SNX8: variants seen among roughly 807,000 people sequenced by gnomAD.
The protein encoded by SNX8 is sorting nexin-8.
In SNX8, 25 loss-of-function variants were observed where a neutral mutation model predicts 51.6. The ratio of observed to expected loss-of-function variants is 0.48; its 90% CI spans 0.35 to 0.68. The LOEUF is 0.68. Ranked by LOEUF, SNX8 falls within the 30% of genes least tolerant of loss-of-function variation. The pLI is 0.00. For missense variants in SNX8, 695 were observed against 624.0 expected, an observed-to-expected ratio of 1.11 and a Z score of -1.21; for synonymous variants, 324 against 277.0, an observed-to-expected ratio of 1.17 and a Z score of -1.68.
intron 1 of SNX8, among the ~76,000 whole-genome samples, chr7:2,331,688 G>A (rs1778738866): frequency 6.7e-6 from 1 of 148,676 alleles, no homozygotes; most frequent in East Asian, 2.0e-4. Flanking sequence ...CTGGGCAACA[G>A]AGTGACACTC....
chr7:2,336,191 A>G (rs964230587), intron 1 of SNX8, among the ~76,000 whole-genome samples: 5 of 149,170 alleles, frequency 3.4e-5, no homozygotes. Context: ...CACCTGAGGT[A>G]GGGAATTCGA....
intron 1 of SNX8, among the ~76,000 whole-genome samples, chr7:2,327,702 C>T (rs567684700): frequency 2.0e-5 from 3 of 150,670 alleles, no homozygotes; most frequent in East Asian, 2.0e-4. Flanking sequence ...CCATCGCACC[C>T]GGCCTAATTT....
intron 1 of SNX8, among the ~76,000 whole-genome samples, chr7:2,303,350 C>A (rs1437366373): frequency 6.6e-6 from 1 of 151,540 alleles, no homozygotes. Context: ...AGCCCCCCGC[C>A]CAGCCAGCCG....
At position 2,328,274 on chromosome 7, in the gene SNX8, C is replaced by G. The variant is rs546047053; in HGVS notation, c.-66+25948G>C. 2.6e-5 allele frequency among the ~76,000 whole-genome samples: 4 copies of G among 152,062 alleles called. No homozygotes were observed. The South Asian group carries it at 6.2e-4, about 24-fold the overall frequency. ...CTCCACGCTGGCCAGGCAGGCTAGT[C>G]TCAAACTCCTGACTTCAAGTGATCC... On this transcript the variant is annotated intron_variant, in intron 1 of 5. Transcript: ENST00000435336.
intron 3 of SNX8, among the ~76,000 whole-genome samples, chr7:2,273,511 G>A (rs567879398): frequency 6.0e-5 from 9 of 151,098 alleles, no homozygotes; most frequent in Non-Finnish European, 7.4e-5. Flanking sequence ...GCGTGAACCC[G>A]GCAGGCGGAG....
At position 2,308,175 on chromosome 7, in the gene SNX8, A is replaced by G. The variant is rs894260159; in HGVS notation, c.94+6153T>C. On this transcript the variant is annotated intron_variant, in intron 1 of 10. Transcript: ENST00000222990. Reference sequence around the variant, plus strand: ...AAGAAATATAATACAAAAATTTATAAAAATGTAATTCTATTCAAATATTTG... The same window carrying G: ...AAGAAATATAATACAAAAATTTATAGAAATGTAATTCTATTCAAATATTTG... 2.6e-5 allele frequency among the ~76,000 whole-genome samples: 4 copies of G among 152,268 alleles called. No homozygotes were observed. The South Asian group carries it at 8.3e-4, about 32-fold the overall frequency.
rs66642038 is a variant in SNX8, at chr7:2,337,852, TA to T, written c.-66+16369del. Among the ~76,000 whole-genome samples, 1,045 of 131,410 alleles carry T rather than the reference TA, an allele frequency of 8.0e-3. 11 individuals carry two copies. The highest frequency in any genetic ancestry group is 0.024 in the African/African-American group (883 of 36,160). 86.2% of individuals were successfully genotyped at this position (131,410 alleles called of 152,430 possible). On this transcript the variant is annotated intron_variant, in intron 1 of 5. Coordinates refer to the SNX8 transcript ENST00000435336. ...CTCAAGCAAATAAAAGGATATCTTG[TA>T]AAAAAAAAAAAAAGGGAAAAGAAAA...
chr7:2,344,561 G>A (rs889158370), intron 1 of SNX8, among the ~76,000 whole-genome samples: 49 of 147,182 alleles, frequency 3.3e-4, no homozygotes, highest in African/African-American at 1.1e-3. Context: ...GCAGTGGGCC[G>A]AGATCGCGCC....
chr7:2,292,835 C>T (rs1187702007), intron 1 of SNX8, among the ~76,000 whole-genome samples: 6 of 151,948 alleles, frequency 3.9e-5, no homozygotes, highest in African/African-American at 7.2e-5. Flanking sequence ...GCCTGGGCAA[C>T]GCGGCAAGAT....
chr7:2,348,505 T>A (rs1764919370), intron 1 of SNX8, among the ~76,000 whole-genome samples: 1 of 151,786 alleles, frequency 6.6e-6, no homozygotes, highest in Non-Finnish European at 1.5e-5. Flanking sequence ...CAGGCCCGGC[T>A]AATTTTTTTG....
At chr7:2,295,576 G>C (rs1290837081) in intron 1 of SNX8, among the ~76,000 whole-genome samples, 2 of 145,378 alleles carry the variant, frequency 1.4e-5, no homozygotes, top group Non-Finnish European at 3.0e-5. Context: ...ATGGTGGCAG[G>C]CGCCTGTAAT....
intron 1 of SNX8, among the ~76,000 whole-genome samples, chr7:2,284,714 A>G (rs1301102128): frequency 6.6e-6 from 1 of 151,282 alleles, no homozygotes; most frequent in African/African-American, 2.4e-5. Flanking sequence ...TATTGCTTTT[A>G]TTTCTTCATC....
At chr7:2,334,654 C>G (rs1351224664) in intron 1 of SNX8, among the ~76,000 whole-genome samples, 1 of 151,790 alleles carries the variant, frequency 6.6e-6, no homozygotes, top group Non-Finnish European at 1.5e-5. Context: ...AAGCTGAGAT[C>G]AAGCCACTGC....
intron 1 of SNX8, among the ~76,000 whole-genome samples, chr7:2,309,582 T>C (rs1217748451): frequency 1.3e-5 from 2 of 151,948 alleles, no homozygotes; most frequent in Non-Finnish European, 2.9e-5. Context: ...AAATACAAAA[T>C]TAGCCAGGTG....
intron 1 of SNX8, among the ~76,000 whole-genome samples, chr7:2,293,155 A>C (rs1295126833): frequency 3.3e-5 from 5 of 149,640 alleles, no homozygotes; most frequent in African/African-American, 1.2e-4. Context: ...TAATCATAGC[A>C]CTTTTGGGAG....
intron 1 of SNX8, among the ~76,000 whole-genome samples, chr7:2,326,466 C>T (rs567315067): frequency 4.6e-5 from 7 of 151,328 alleles, no homozygotes; most frequent in African/African-American, 1.5e-4. Flanking sequence ...GAGATCAAGA[C>T]CATCCTGGCT....
intron 1 of SNX8, among the ~76,000 whole-genome samples, chr7:2,308,235 C>T (rs1301292484): frequency 6.6e-6 from 1 of 151,784 alleles, no homozygotes; most frequent in Admixed American, 6.6e-5. Context: ...ATTCTAGATA[C>T]TGTGGTTAAA....
At position 2,264,377 on chromosome 7, in the gene SNX8, G is replaced by C; in HGVS notation, c.703C>G (p.Leu235Val). The change falls in exon 6 of 11, where the codon CTT becomes GTT. Residue 235 changes from leucine (L) to valine (V), a missense_variant. Leu to Val is a conservative substitution (Grantham distance 32). Coordinates refer to ENST00000222990, the MANE Select transcript of SNX8 (RefSeq NM_013321.4). ...GCGATCCGCTCGGCCCTGTCGCGAA[G>C]CTTGTGAAAGCTATTGTAGATGTTC... ...IRNIYNSFHK[L>V]RDRAERIASR... 1.2e-6 allele frequency: 2 copies of C among 1,612,990 alleles called. No homozygotes were observed. Among genetic ancestry groups the C allele is most frequent in the Non-Finnish European group, 1.7e-6 (2 of 1,179,992 alleles).
At chr7:2,298,918 C>G (rs546826977) in intron 1 of SNX8, among the ~76,000 whole-genome samples, 4 of 152,226 alleles carry the variant, frequency 2.6e-5, no homozygotes, top group African/African-American at 9.6e-5. Context: ...GTCTCGAACT[C>G]CTGACCTCAA....
Sources: gnomAD v4.1 joint callset for allele counts (sites outside exome capture counted in the v4.1 genomes callset) on GRCh38, gnomAD v4.1.1 for gene constraint, MANE v1.5 for transcripts, NCBI Gene and HGNC (gene_info 2026-07-23, HGNC 2026-07-21) for gene names.